Variants in DLGAP1 observed in about 807,000 individuals in gnomAD.
The protein encoded by DLGAP1 is DLG associated protein 1, also known as disks large-associated protein 1.
DLGAP1 carries 11 observed loss-of-function variants against 90.8 expected under a neutral mutation model. That is an observed-to-expected ratio of 0.12 (90% CI 0.08 to 0.20). The LOEUF is 0.20. DLGAP1 is among the 10% of genes least tolerant of loss of function. The probability of loss-of-function intolerance (pLI) is 1.00; values close to 1 mark genes in which losing one functional copy is unlikely to be tolerated. For missense variants in DLGAP1, 1,050 were observed against 1,333.8 expected, an observed-to-expected ratio of 0.79 and a Z score of 3.31; for synonymous variants, 558 against 540.7, an observed-to-expected ratio of 1.03 and a Z score of -0.44.
chr18:3,755,577 G>C (rs1412327056), intron 5 of DLGAP1, among the ~76,000 whole-genome samples: 2 of 152,108 alleles, frequency 1.3e-5, no homozygotes, highest in Non-Finnish European at 2.9e-5. Flanking sequence ...AAAGACACAA[G>C]GGGCGTCTTA....
chr18:3,569,268 G>A (rs2054627142), intron 8 of DLGAP1, among the ~76,000 whole-genome samples: 1 of 151,926 alleles, frequency 6.6e-6, no homozygotes, highest in Admixed American at 6.6e-5. Flanking sequence ...CCAAATTGCT[G>A]AGATTACAGG....
intron 1 of DLGAP1, among the ~76,000 whole-genome samples, chr18:4,286,558 T>C (rs745496240): frequency 6.6e-6 from 1 of 151,994 alleles, no homozygotes; most frequent in African/African-American, 2.4e-5. Context: ...TAGCACAGGA[T>C]TAAAAGCGTC....
chr18:3,709,835 G>A (rs557497219), intron 7 of DLGAP1, among the ~76,000 whole-genome samples: 13 of 152,156 alleles, frequency 8.5e-5, no homozygotes, highest in Admixed American at 2.0e-4. Context: ...CATTCCTACC[G>A]TTGCCATGCC....
intron 1 of DLGAP1, among the ~76,000 whole-genome samples, chr18:4,176,688 C>A (rs1331631198): frequency 6.6e-6 from 1 of 152,224 alleles, no homozygotes; most frequent in Non-Finnish European, 1.5e-5. Flanking sequence ...ACTGGTCAAG[C>A]TCTTGGTCAT....
At chr18:4,204,531 T>G (rs12967913) in intron 1 of DLGAP1, among the ~76,000 whole-genome samples, 59,011 of 150,982 alleles carry the variant, frequency 0.39, 11,846 homozygotes, top group South Asian at 0.45. Context: ...TTTTGTTTTT[T>G]TTTCTGACCG....
At chr18:4,294,163 A>G (rs1220557102) in intron 1 of DLGAP1, 9 of 152,098 alleles carry the variant, frequency 5.9e-5, no homozygotes, top group Non-Finnish European at 1.5e-5. Context: ...TCACCACCAT[A>G]TTGCCTCCTC....
chr18:4,206,516 G>T (rs1280868532), intron 1 of DLGAP1, among the ~76,000 whole-genome samples: 2 of 152,122 alleles, frequency 1.3e-5, no homozygotes, highest in African/African-American at 4.8e-5. Flanking sequence ...CCATGGGAGG[G>T]AAAACTCCTC....
At chr18:4,438,183 T>G (rs2083448298) in intron 1 of DLGAP1, among the ~76,000 whole-genome samples, 1 of 152,080 alleles carries the variant, frequency 6.6e-6, no homozygotes, top group South Asian at 2.1e-4. Flanking sequence ...ATTGCCAAAT[T>G]TTGCTTACAT....
At chr18:4,161,000 C>T (rs1390151378) in intron 1 of DLGAP1, among the ~76,000 whole-genome samples, 1 of 150,680 alleles carries the variant, frequency 6.6e-6, no homozygotes, top group Non-Finnish European at 1.5e-5. Context: ...CTACATTGTA[C>T]TCTTCTGTGT....
At chr18:4,190,841 C>T (rs1295153957) in intron 1 of DLGAP1, among the ~76,000 whole-genome samples, 2 of 152,050 alleles carry the variant, frequency 1.3e-5, no homozygotes, top group Non-Finnish European at 2.9e-5. Flanking sequence ...GTTTTTTTCT[C>T]TTTAAAATAC....
intron 7 of DLGAP1, among the ~76,000 whole-genome samples, chr18:3,706,063 TCTCTGCTCACTGCAAC>T (rs2061424565): frequency 6.7e-6 from 1 of 149,684 alleles, no homozygotes; most frequent in Non-Finnish European, 1.5e-5. Flanking sequence ...CCAGGCGCAA[TCTCTGCTCACTGCAAC>T]CTCTGCCTTG....
At chr18:4,347,301 A>G (rs1392154476) in intron 1 of DLGAP1, among the ~76,000 whole-genome samples, 5 of 152,240 alleles carry the variant, frequency 3.3e-5, no homozygotes, top group East Asian at 1.9e-4. Flanking sequence ...TACTCTACAA[A>G]TTGCTGCAAA....
intron 7 of DLGAP1, among the ~76,000 whole-genome samples, chr18:3,652,605 A>G (rs1347674906): frequency 1.3e-5 from 2 of 152,164 alleles, no homozygotes; most frequent in Admixed American, 1.3e-4. Context: ...GCCCTCCCAG[A>G]GTGCTGGGAT....
At chr18:3,833,995 C>A (rs1282551144) in intron 4 of DLGAP1, among the ~76,000 whole-genome samples, 2 of 152,110 alleles carry the variant, frequency 1.3e-5, no homozygotes, top group African/African-American at 4.8e-5. Flanking sequence ...TGCAATTTAT[C>A]CAACTCATAA....
In DLGAP1 at chr18:3,517,517, C is replaced by T. The variant is rs914144052; in HGVS notation, c.2480-8856G>A. Among the ~76,000 whole-genome samples the T allele has an allele frequency of 6.6e-6, 1 of 152,156 alleles. No individual in the cohort carries two copies. On this transcript the variant is annotated intron_variant, in intron 10 of 12. Transcript: ENST00000315677. This position sits in a 1 kb window ranked among gnomAD's most constrained non-coding sequence, Gnocchi z 4.1. ...CAGCTTCCTCACCTCTCTCAGCTTT[C>T]ATAGAATTGAAGAGAGTTGGCCGGG...
intron 7 of DLGAP1, chr18:3,606,782 G>A (rs1434989534): frequency 2.0e-5 from 3 of 152,156 alleles, no homozygotes; most frequent in Admixed American, 1.3e-4. Flanking sequence ...TTATAAAAAA[G>A]TATAAATAAG....
chr18:4,381,252 T>C (rs770198983), intron 1 of DLGAP1, among the ~76,000 whole-genome samples: 3 of 152,138 alleles, frequency 2.0e-5, no homozygotes, highest in Non-Finnish European at 2.9e-5. Context: ...TTTTCAGAGA[T>C]GATTGCATGA....
At chr18:3,844,617 C>T (rs117287599) in intron 4 of DLGAP1, among the ~76,000 whole-genome samples, 1,672 of 152,234 alleles carry the variant, frequency 0.011, 21 homozygotes, top group South Asian at 0.036. Context: ...AAATCATTGC[C>T]GCCATGGTGA....
At chr18:4,284,447 C>T (rs532875001) in intron 1 of DLGAP1, among the ~76,000 whole-genome samples, 2 of 152,186 alleles carry the variant, frequency 1.3e-5, no homozygotes, top group Non-Finnish European at 2.9e-5. Context: ...CTCTTGAGTT[C>T]GAGTACCAAG....
Sources: allele counts gnomAD v4.1 joint callset (sites outside exome capture counted in the v4.1 genomes callset), GRCh38; gene constraint gnomAD v4.1.1; non-coding constraint Gnocchi (gnomAD v3.1); transcripts MANE v1.5; gene names NCBI Gene and HGNC (gene_info 2026-07-23, HGNC 2026-07-21).